NCK1: variants seen among roughly 807,000 people sequenced by gnomAD.
The protein encoded by NCK1 is NCK adaptor protein 1.
Under a neutral mutation model 36.6 loss-of-function variants are expected in NCK1, and 19 were observed. That is an observed-to-expected ratio of 0.52 (90% confidence interval 0.36 to 0.76). NCK1 has a LOEUF of 0.76. Among genes scored for constraint, NCK1 ranks in the 30% least tolerant of loss-of-function variants. NCK1 has a pLI of 0.00. For synonymous variants in NCK1, 165 were observed against 156.0 expected, an observed-to-expected ratio of 1.06 and a Z score of -0.43; for missense variants, 358 against 445.6, an observed-to-expected ratio of 0.80 and a Z score of 1.77.
intron 1 of NCK1, among the ~76,000 whole-genome samples, chr3:136,918,904 G>C: frequency 6.6e-6 from 1 of 152,126 alleles, no homozygotes; most frequent in East Asian, 1.9e-4. Flanking sequence ...TGTGAGTATT[G>C]TTCATTACTG....
chr3:136,894,044 A>G (rs1453470460), intron 1 of NCK1, among the ~76,000 whole-genome samples: 1 of 152,174 alleles, frequency 6.6e-6, no homozygotes, highest in Non-Finnish European at 1.5e-5. Flanking sequence ...CATTCCAGAC[A>G]GATTGCTCCC....
intron 1 of NCK1, among the ~76,000 whole-genome samples, chr3:136,866,486 T>C (rs951515973): frequency 1.2e-4 from 18 of 152,140 alleles, no homozygotes; most frequent in African/African-American, 4.3e-4. Flanking sequence ...TTTGTATTTT[T>C]AGTAGAGACG....
intron 1 of NCK1, among the ~76,000 whole-genome samples, chr3:136,866,497 G>A (rs934438231): frequency 1.3e-5 from 2 of 151,618 alleles, no homozygotes; most frequent in African/African-American, 4.8e-5. Context: ...AGTAGAGACG[G>A]GGTTTCTCCG....
chr3:136,942,499 CA>C (rs201270096), intron 2 of NCK1, among the ~76,000 whole-genome samples: 2,643 of 152,244 alleles, frequency 0.017, 40 homozygotes, highest in Non-Finnish European at 0.028. Flanking sequence ...AACAAACAAA[CA>C]AAAGAAAACC....
intron 1 of NCK1, among the ~76,000 whole-genome samples, chr3:136,924,336 A>G (rs1209600093): frequency 6.6e-6 from 1 of 152,230 alleles, no homozygotes; most frequent in Non-Finnish European, 1.5e-5. Flanking sequence ...GAGGAACACC[A>G]TGAAAATATA....
At position 136,949,217 on chromosome 3, in the gene NCK1, T is replaced by A. The variant is rs972048420; in HGVS notation, c.*764T>A. 6.6e-6 allele frequency: 1 copy of A among 152,022 alleles called. No homozygotes were observed. Among genetic ancestry groups the A allele is most frequent in the East Asian group, 1.9e-4 (1 of 5,198 alleles). 9.4% of individuals were successfully genotyped at this position (152,022 alleles called of 1,614,324 possible). On this transcript the variant is annotated 3_prime_UTR_variant, in exon 4 of 4. Transcript: ENST00000481752. ...CTGTAAATAGATGCTCTAGTGTTAT[T>A]TATTTTTTTAATCCCACTTGTATTA...
chr3:136,946,701 C>T (rs1576995746), intron 3 of NCK1, among the ~76,000 whole-genome samples: 1 of 151,994 alleles, frequency 6.6e-6, no homozygotes, highest in African/African-American at 2.4e-5. Flanking sequence ...TCACTGTAGT[C>T]CTTATGACAT....
intron 2 of NCK1, among the ~76,000 whole-genome samples, chr3:136,934,617 T>G (rs977300193): frequency 1.2e-4 from 19 of 152,068 alleles, no homozygotes; most frequent in Non-Finnish European, 7.4e-5. Context: ...ACCCAGGTAT[T>G]AAGCCCAGTA....
At chr3:136,917,934 A>C (rs1940009662) in intron 1 of NCK1, among the ~76,000 whole-genome samples, 1 of 152,202 alleles carries the variant, frequency 6.6e-6, no homozygotes, top group South Asian at 2.1e-4. Flanking sequence ...TCTATCTTAC[A>C]ACCAGTGGGT....
rs371135567 is a variant in NCK1, at chr3:136,863,983, C to T, written c.-19+1630C>T. Among the ~76,000 whole-genome samples, 4 of 152,034 alleles carry T rather than the reference C, an allele frequency of 2.6e-5. No homozygotes were observed. In the East Asian group the frequency reaches 7.8e-4, roughly 30 times the overall value. ...GGGCGTGGTGGCGGGCGCCTATAGT[C>T]CCAGCTACTCGGGAGGCTGAGGCAG... On this transcript the variant is annotated intron_variant, in intron 1 of 3. Coordinates refer to ENST00000481752, the MANE Select transcript of NCK1 (RefSeq NM_001291999.2).
At chr3:136,863,956 C>T (rs1938330480) in intron 1 of NCK1, among the ~76,000 whole-genome samples, 2 of 151,582 alleles carry the variant, frequency 1.3e-5, no homozygotes, top group South Asian at 2.1e-4. Flanking sequence ...AAAAAAGTAG[C>T]CGGGCGTGGT....
intron 1 of NCK1, among the ~76,000 whole-genome samples, chr3:136,925,278 G>T (rs1451449346): frequency 1.3e-5 from 2 of 151,970 alleles, no homozygotes; most frequent in Admixed American, 6.6e-5. Context: ...AAGATATTCA[G>T]GATCTTTTGA....
At chr3:136,944,504 T>C (rs555223527) in intron 2 of NCK1, among the ~76,000 whole-genome samples, 14 of 152,334 alleles carry the variant, frequency 9.2e-5, no homozygotes, top group Admixed American at 2.6e-4. Context: ...ATTACCAAAA[T>C]GTTACGGTTT....
At chr3:136,934,354 C>A (rs555293898) in intron 2 of NCK1, among the ~76,000 whole-genome samples, 1 of 151,378 alleles carries the variant, frequency 6.6e-6, no homozygotes, top group Admixed American at 6.6e-5. Context: ...GGTGTGATCT[C>A]GGCTCACTGC....
intron 1 of NCK1, among the ~76,000 whole-genome samples, chr3:136,868,842 CTT>C (rs1938523748): frequency 6.6e-6 from 1 of 152,136 alleles, no homozygotes; most frequent in African/African-American, 2.4e-5. Flanking sequence ...TTCTTTTTCT[CTT>C]TTGAGTGTTA....
chr3:136,907,442 C>T (rs955255717), intron 1 of NCK1, among the ~76,000 whole-genome samples: 1 of 152,162 alleles, frequency 6.6e-6, no homozygotes, highest in African/African-American at 2.4e-5. Flanking sequence ...AATGTTGTTG[C>T]ATGGTTTCTA....
At position 136,949,251 on chromosome 3, in the gene NCK1, C is replaced by T. The variant is rs915736998; in HGVS notation, c.*798C>T. ...TAATCCCACTTGTATTATTTTACCT[C>T]TAGAGCATCTTGTATTAGGACATGT... On this transcript the variant is annotated 3_prime_UTR_variant, in exon 4 of 4. Coordinates refer to ENST00000481752, the MANE Select transcript of NCK1 (RefSeq NM_001291999.2). 1 of 151,874 alleles carries T rather than the reference C, an allele frequency of 6.6e-6. No homozygotes were observed. Among genetic ancestry groups the T allele is most frequent in the South Asian group, 2.1e-4 (1 of 4,824 alleles). The allele number at this position is 151,874 out of a possible 1,614,324, so 9.4% of individuals were successfully genotyped here. A position where few individuals can be genotyped will look rare whatever the true frequency, so the allele number is the denominator to read the frequency against.
At chr3:136,909,904 T>TA (rs1347170784) in intron 1 of NCK1, among the ~76,000 whole-genome samples, 2 of 152,198 alleles carry the variant, frequency 1.3e-5, no homozygotes, top group South Asian at 2.1e-4. Context: ...TCACTTCTCT[T>TA]ACGGTTCCTA....
At chr3:136,907,460 CTT>C (rs1227988582) in intron 1 of NCK1, among the ~76,000 whole-genome samples, 3 of 152,160 alleles carry the variant, frequency 2.0e-5, no homozygotes, top group African/African-American at 7.2e-5. Flanking sequence ...CTAGGCACCT[CTT>C]TATGTTAGAC....
Sources: gnomAD v4.1 joint callset for allele counts (sites outside exome capture counted in the v4.1 genomes callset) on GRCh38, gnomAD v4.1.1 for gene constraint, MANE v1.5 for transcripts, NCBI Gene and HGNC (gene_info 2026-07-23, HGNC 2026-07-21) for gene names.